Variants in CSMD1 observed in about 807,000 individuals in gnomAD.
CSMD1 encodes the protein CUB and sushi domain-containing protein 1.
In CSMD1, 213 loss-of-function variants were observed where a neutral mutation model predicts 417.5. The ratio of observed to expected loss-of-function variants is 0.51; its 90% confidence interval spans 0.46 to 0.57. The LOEUF is 0.57. Among genes scored for constraint, CSMD1 ranks in the 20% least tolerant of loss-of-function variants. The pLI is 0.00. For synonymous variants in CSMD1, 2,862 were observed against 1,736.8 expected (o/e 1.65, Z -16.11); for missense variants, 6,923 against 4,529.7 (o/e 1.53, Z -15.17).
At chr8:3,842,766 T>C (rs1392593169) in intron 5 of CSMD1, among the ~76,000 whole-genome samples, 1 of 152,156 alleles carries the variant, frequency 6.6e-6, no homozygotes, top group Non-Finnish European at 1.5e-5. Flanking sequence ...GAAGAGTTAA[T>C]ATTTGATTTC....
At chr8:3,218,675 C>T (rs546216912) in intron 29 of CSMD1, among the ~76,000 whole-genome samples, 9 of 151,992 alleles carry the variant, frequency 5.9e-5, no homozygotes, top group South Asian at 2.1e-4. Flanking sequence ...AGATCGAGAC[C>T]AGCCTGACCA....
chr8:3,794,659 T>G (rs1345255076), intron 5 of CSMD1, among the ~76,000 whole-genome samples: 1 of 152,168 alleles, frequency 6.6e-6, no homozygotes, highest in Non-Finnish European at 1.5e-5. Context: ...GTTATGTGAT[T>G]ATTTGGTATT....
chr8:3,601,528 A>C (rs1801360833), intron 8 of CSMD1, among the ~76,000 whole-genome samples: 1 of 152,186 alleles, frequency 6.6e-6, no homozygotes, highest in African/African-American at 2.4e-5. Flanking sequence ...TGCACATCAG[A>C]ATCACAGCAG....
chr8:4,824,553 C>T (rs1799707328), intron 1 of CSMD1, among the ~76,000 whole-genome samples: 1 of 152,120 alleles, frequency 6.6e-6, no homozygotes, highest in African/African-American at 2.4e-5. Context: ...TTAATAATTA[C>T]ACCACGGAAA....
At chr8:3,633,164 A>T (rs1796867066) in intron 7 of CSMD1, among the ~76,000 whole-genome samples, 1 of 152,244 alleles carries the variant, frequency 6.6e-6, no homozygotes. Context: ...AAATCATTAA[A>T]CATCATATAT....
chr8:4,406,026 G>C (rs900283324), intron 3 of CSMD1, among the ~76,000 whole-genome samples: 2 of 152,198 alleles, frequency 1.3e-5, no homozygotes. Context: ...AGACTGGCTT[G>C]TGTTAGAACT....
At position 3,111,627 on chromosome 8, in the gene CSMD1, T is replaced by G. The variant is rs151330404; in HGVS notation, c.6431-1292A>C. Among the ~76,000 whole-genome samples, 635 of 151,986 alleles carry G rather than the reference T, an allele frequency of 4.2e-3. 2 individuals are homozygous for G. Among genetic ancestry groups the G allele is most frequent in the Non-Finnish European group, 6.0e-3 (406 of 67,960 alleles). ...TGGGTGGATCACCTGAGGTCAGGAGTTTGAGACCAGCCTGACCAACATGGG... is the reference window on the plus strand; with the variant it reads ...TGGGTGGATCACCTGAGGTCAGGAGGTTGAGACCAGCCTGACCAACATGGG... On this transcript the variant is annotated intron_variant, in intron 42 of 69. Coordinates refer to ENST00000635120, the MANE Select transcript of CSMD1 (RefSeq NM_033225.6).
chr8:3,168,396 C>A (rs1820366015), intron 37 of CSMD1, among the ~76,000 whole-genome samples: 1 of 152,174 alleles, frequency 6.6e-6, no homozygotes, highest in Non-Finnish European at 1.5e-5. Context: ...CACACCCTAA[C>A]ACAGAGGTGC....
intron 3 of CSMD1, among the ~76,000 whole-genome samples, chr8:4,141,607 C>A (rs927535443): frequency 1.3e-5 from 2 of 150,826 alleles, no homozygotes; most frequent in Non-Finnish European, 2.9e-5. Context: ...GGAGTTGTAA[C>A]GATTCCTCCA....
chr8:3,353,562 C>T (rs966587732), intron 21 of CSMD1, among the ~76,000 whole-genome samples: 2 of 152,214 alleles, frequency 1.3e-5, no homozygotes, highest in African/African-American at 2.4e-5. Flanking sequence ...GGCAGTATCC[C>T]GTAGGACGTA....
At chr8:4,657,240 T>C (rs1399349696) in intron 1 of CSMD1, among the ~76,000 whole-genome samples, 1 of 152,162 alleles carries the variant, frequency 6.6e-6, no homozygotes, top group Non-Finnish European at 1.5e-5. Context: ...AGCAGTAGTT[T>C]CAGTGCAAAC....
At chr8:3,450,135 G>C (rs187736538) in intron 12 of CSMD1, among the ~76,000 whole-genome samples, 1 of 152,218 alleles carries the variant, frequency 6.6e-6, no homozygotes, top group East Asian at 1.9e-4. Context: ...ATCAGGATTT[G>C]CTTCGATGAC....
At chr8:3,253,281 TA>T (rs1800407576) in intron 26 of CSMD1, among the ~76,000 whole-genome samples, 1 of 152,236 alleles carries the variant, frequency 6.6e-6, no homozygotes, top group South Asian at 2.1e-4. Context: ...TTCATTTCGT[TA>T]TTTACCCAGT....
chr8:3,875,542 A>G (rs757723742), intron 5 of CSMD1, among the ~76,000 whole-genome samples: 2 of 152,128 alleles, frequency 1.3e-5, no homozygotes, highest in Non-Finnish European at 2.9e-5. Flanking sequence ...TGGAAGAAGG[A>G]AAGCAGGAGA....
intron 54 of CSMD1, among the ~76,000 whole-genome samples, chr8:2,981,704 G>T (rs564938789): frequency 6.6e-6 from 1 of 152,322 alleles, no homozygotes; most frequent in East Asian, 1.9e-4. Context: ...GCAGGGAGAA[G>T]TTCAAATGAA....
At chr8:4,729,145 A>C (rs758571793) in intron 1 of CSMD1, among the ~76,000 whole-genome samples, 2 of 152,216 alleles carry the variant, frequency 1.3e-5, no homozygotes, top group South Asian at 4.1e-4. Flanking sequence ...CAAAGAACAC[A>C]AGGACAGGCT....
chr8:4,706,170 A>C (rs1294152368), intron 1 of CSMD1, among the ~76,000 whole-genome samples: 1 of 151,150 alleles, frequency 6.6e-6, no homozygotes, highest in Non-Finnish European at 1.5e-5. Context: ...TATACTGTAC[A>C]TATATATTTT....
Position 4,832,105 on chromosome 8 carries a change from T to C in CSMD1, c.85+162227A>G, listed in dbSNP as rs188439275. On this transcript the variant is annotated intron_variant, in intron 1 of 69. Transcript: ENST00000635120. ...TACCCTTCTCTTCGGGAACCTTTTG[T>C]GTACTGTTCACTGAACTGGCATGTA... Among the ~76,000 whole-genome samples the C allele has an allele frequency of 2.0e-5, 3 of 152,318 alleles. No individual in the cohort carries two copies. In the East Asian group the frequency reaches 5.8e-4, roughly 29 times the overall value.
intron 3 of CSMD1, among the ~76,000 whole-genome samples, chr8:4,226,683 T>A (rs1801378019): frequency 6.6e-6 from 1 of 152,176 alleles, no homozygotes; most frequent in Non-Finnish European, 1.5e-5. Flanking sequence ...ATGTATTCCT[T>A]TAAAAATTTT....
Sources: allele counts gnomAD v4.1 joint callset (sites outside exome capture counted in the v4.1 genomes callset), GRCh38; gene constraint gnomAD v4.1.1; transcripts MANE v1.5; gene names NCBI Gene and HGNC (gene_info 2026-07-23, HGNC 2026-07-21).